Variants in PRSS23 observed in about 807,000 individuals in gnomAD.
PRSS23 encodes protease, serine 23.
PRSS23 carries 25 observed loss-of-function variants against 34.7 expected under a neutral mutation model. The ratio of observed to expected loss-of-function variants is 0.72; its 90% CI spans 0.53 to 1.01. The LOEUF (loss-of-function observed/expected upper bound fraction) is 1.01, where lower values mean the gene tolerates loss of function less well. Among genes scored for constraint, PRSS23 ranks in the 50% least tolerant of loss-of-function variants. The pLI is 0.00. For synonymous variants in PRSS23, 176 were observed against 186.6 expected, an observed-to-expected ratio of 0.94 and a Z score of 0.46; for missense variants, 445 against 475.6, an observed-to-expected ratio of 0.94 and a Z score of 0.60.
chr11:86,823,509 G>A (rs2134876711), exon 2 of PRSS23: 2 of 702,476 alleles, frequency 2.8e-6, no homozygotes, highest in East Asian at 5.4e-5. Context: ...TACCAACTAG[G>A]TTCCAGGACC....
chr11:86,859,918 A>C (rs1161109671), intron 2 of PRSS23, among the ~76,000 whole-genome samples: 4 of 151,984 alleles, frequency 2.6e-5, no homozygotes, highest in Non-Finnish European at 5.9e-5. Flanking sequence ...GGGGTTATAC[A>C]CACCCCCGTG....
intron 2 of PRSS23, among the ~76,000 whole-genome samples, chr11:86,830,151 G>C (rs1182649291): frequency 6.6e-6 from 1 of 152,182 alleles, no homozygotes; most frequent in Non-Finnish European, 1.5e-5. Context: ...CACCCAGCTC[G>C]AGCTTCCCAG....
At chr11:86,828,731 T>G (rs1223627396) in intron 2 of PRSS23, among the ~76,000 whole-genome samples, 1 of 152,208 alleles carries the variant, frequency 6.6e-6, no homozygotes, top group African/African-American at 2.4e-5. Context: ...CTGTAAAGTA[T>G]TTTATTTCTC....
At chr11:86,818,986 A>G (rs1948234552) in intron 1 of PRSS23, among the ~76,000 whole-genome samples, 1 of 152,112 alleles carries the variant, frequency 6.6e-6, no homozygotes, top group African/African-American at 2.4e-5. Context: ...GTGCCAGGTA[A>G]TCTGGTGGCA....
chr11:86,881,079 T>C (rs1408730349), intron 2 of PRSS23, among the ~76,000 whole-genome samples: 1 of 152,164 alleles, frequency 6.6e-6, no homozygotes, highest in Admixed American at 6.5e-5. Context: ...CAGTATAATG[T>C]TGAATAGACA....
chr11:86,830,141 C>T (rs1433051084), intron 2 of PRSS23, among the ~76,000 whole-genome samples: 1 of 152,212 alleles, frequency 6.6e-6, no homozygotes, highest in Non-Finnish European at 1.5e-5. Flanking sequence ...TGGTGGGCTC[C>T]ACCCAGCTCG....
At chr11:86,948,076 C>T (rs1341502215) in intron 2 of PRSS23, 1 of 152,176 alleles carries the variant, frequency 6.6e-6, no homozygotes, top group African/African-American at 2.4e-5. Context: ...AGGGATTTCT[C>T]CAGAGACTGT....
At chr11:86,939,201 G>C (rs924066910) in intron 2 of PRSS23, 27 of 304,976 alleles carry the variant, frequency 8.9e-5, no homozygotes, top group Non-Finnish European at 1.6e-4. Flanking sequence ...TGCTTGTAAG[G>C]AGTGTGTTTT....
In PRSS23 at chr11:86,897,504, G is replaced by T. The variant is rs1415052044; in HGVS notation, c.207-53712G>T. On this transcript the variant is annotated intron_variant, in intron 2 of 2. Transcript: ENST00000533902. The stretch of plus-strand genomic sequence containing the variant: ...TTATTTAATTGAGATACAAAGTCTT[G>T]CTCTGTCACTCAGGTTGGAGTGCAG... Among the ~76,000 whole-genome samples the T allele has an allele frequency of 3.3e-5, 5 of 152,166 alleles. No individual in the cohort carries two copies. The East Asian group carries it at 9.6e-4, about 29-fold the overall frequency.
intron 2 of PRSS23, among the ~76,000 whole-genome samples, chr11:86,874,996 T>C (rs956629384): frequency 2.0e-5 from 3 of 152,178 alleles, no homozygotes; most frequent in Admixed American, 6.5e-5. Flanking sequence ...ATCAGGGTAG[T>C]TGGATTTTTT....
At chr11:86,908,991 A>G (rs61904376) in intron 2 of PRSS23, 1 of 142,140 alleles carries the variant, frequency 7.0e-6, no homozygotes, top group Non-Finnish European at 1.5e-5. Flanking sequence ...TTTTTTTTTA[A>G]TGTATTTGTT....
intron 2 of PRSS23, among the ~76,000 whole-genome samples, chr11:86,842,380 C>T (rs1282872678): frequency 1.3e-5 from 2 of 152,142 alleles, no homozygotes; most frequent in South Asian, 2.1e-4. Flanking sequence ...CACAAGACAA[C>T]GATGGCCTCT....
chr11:86,891,683 A>G (rs1948841973), intron 2 of PRSS23, among the ~76,000 whole-genome samples: 1 of 152,188 alleles, frequency 6.6e-6, no homozygotes, highest in African/African-American at 2.4e-5. Context: ...GTCCCCATCC[A>G]AAATCTCATC....
At chr11:86,846,478 G>T (rs1233270731) in intron 2 of PRSS23, among the ~76,000 whole-genome samples, 1 of 152,126 alleles carries the variant, frequency 6.6e-6, no homozygotes, top group Non-Finnish European at 1.5e-5. Flanking sequence ...AGCATTGGTT[G>T]GCCTGGAACC....
chr11:86,905,985 C>T (rs1474435065), intron 2 of PRSS23, among the ~76,000 whole-genome samples: 1 of 147,948 alleles, frequency 6.8e-6, no homozygotes, highest in Non-Finnish European at 1.5e-5. Context: ...CCACTGATGA[C>T]ATTCATTCAC....
rs149246063 is a variant in PRSS23, at chr11:86,873,150, C to T, written c.206+49557C>T. On this transcript the variant is annotated intron_variant, in intron 2 of 2. Transcript: ENST00000533902. ...TTGAGAATAGTTCTTCTTTCAATTG[C>T]AACCTTGTGATTTGCACACACAGGA... 5.2e-3 allele frequency among the ~76,000 whole-genome samples: 783 copies of T among 151,000 alleles called. 7 individuals are homozygous for T. The highest frequency in any genetic ancestry group is 0.018 in the African/African-American group (732 of 41,092).
chr11:86,854,176 A>G (rs1411900595), intron 2 of PRSS23, among the ~76,000 whole-genome samples: 1 of 151,888 alleles, frequency 6.6e-6, no homozygotes. Flanking sequence ...AATTTTTTGT[A>G]TTTTTAGTAG....
At chr11:86,837,411 C>T (rs1387930114) in intron 2 of PRSS23, 1 of 152,168 alleles carries the variant, frequency 6.6e-6, no homozygotes, top group Non-Finnish European at 1.5e-5. Context: ...AGTAGGTGGG[C>T]CTTGTTTTAA....
downstream of PRSS23, among the ~76,000 whole-genome samples, chr11:86,811,747 C>A (rs374249877): frequency 3.0e-4 from 46 of 152,124 alleles, 1 homozygote; most frequent in African/African-American, 1.0e-3. Flanking sequence ...ATCATGTATT[C>A]AAGGAATCAC....
Sources: gnomAD v4.1 joint callset for allele counts (sites outside exome capture counted in the v4.1 genomes callset) on GRCh38, gnomAD v4.1.1 for gene constraint, MANE v1.5 for transcripts, NCBI Gene and HGNC (gene_info 2026-07-23, HGNC 2026-07-21) for gene names.